The following TBC1D1 variants were observed in gnomAD, a reference collection of about 807,000 sequenced individuals.
TBC1D1 encodes the protein TBC1 (tre-2/USP6, BUB2, cdc16) domain family, member 1.
A neutral mutation model predicts 125.6 loss-of-function variants in TBC1D1; 89 were observed. The ratio of observed to expected loss-of-function variants is 0.71; its 90% CI spans 0.60 to 0.85. TBC1D1 has a LOEUF of 0.85. Ranked by LOEUF, TBC1D1 falls within the 40% of genes least tolerant of loss-of-function variation. The pLI is 0.00. For synonymous variants in TBC1D1, 565 were observed against 564.1 expected (o/e 1.00, Z -0.02); for missense variants, 1,377 against 1,469.2 (o/e 0.94, Z 1.03).
chr4:38,058,740 A>G (rs1302977618), intron 12 of TBC1D1, among the ~76,000 whole-genome samples: 1 of 152,210 alleles, frequency 6.6e-6, no homozygotes, highest in East Asian at 1.9e-4. Flanking sequence ...ATACTAGTAA[A>G]ACACACCAAC....
At chr4:37,993,513 C>T (rs1201862057) in intron 2 of TBC1D1, among the ~76,000 whole-genome samples, 5 of 152,134 alleles carry the variant, frequency 3.3e-5, no homozygotes, top group African/African-American at 1.2e-4. Context: ...AAGTTCAGTT[C>T]CAGCAAGTCA....
chr4:37,926,160 A>G (rs1457508104), intron 2 of TBC1D1, among the ~76,000 whole-genome samples: 1 of 152,248 alleles, frequency 6.6e-6, no homozygotes, highest in Admixed American at 6.5e-5. Flanking sequence ...GAAAGTATAC[A>G]GGAAGACCTT....
chr4:37,957,072 C>A (rs1729085655), intron 2 of TBC1D1, among the ~76,000 whole-genome samples: 1 of 152,142 alleles, frequency 6.6e-6, no homozygotes, highest in African/African-American at 2.4e-5. Context: ...GGCCTCCCTC[C>A]CCTTACAGGA....
rs1751296425 is a variant in TBC1D1, at chr4:38,054,408, A to G, written c.2050+70A>G. 7 of 1,597,810 alleles carry G rather than the reference A, an allele frequency of 4.4e-6. No homozygotes were observed. The Admixed American group carries it at 5.0e-5, about 11-fold the overall frequency. On this transcript the variant is annotated intron_variant, in intron 12 of 19. Transcript: ENST00000261439. ...CAGAGGACCCTGGGAGCCCCATCAT[A>G]TTGGTAAGAAAGCAGAGCGCCGTCC... is the stretch of plus-strand genomic sequence containing the variant.
chr4:37,913,456 A>C (rs971192171), intron 2 of TBC1D1, among the ~76,000 whole-genome samples: 6 of 151,952 alleles, frequency 3.9e-5, no homozygotes, highest in Admixed American at 2.0e-4. Context: ...AAAATTAGGC[A>C]GGTGTGGTGG....
Position 38,039,107 on chromosome 4 carries a change from T to G in TBC1D1, c.1413+3409T>G, listed in dbSNP as rs1285652102. On this transcript the variant is annotated intron_variant, in intron 8 of 19. Transcript: ENST00000261439. ...TTCTTATAAATGGCATCATACTCTT[T>G]TTTTTTTTTTTTTTTTTTTTTTTTT... Among the ~76,000 whole-genome samples the G allele has an allele frequency of 1.0e-4, 3 of 28,642 alleles. No homozygotes were observed. The African/African-American group carries it at 1.3e-3, about 12-fold the overall frequency. The allele number at this position is 28,642 out of a possible 152,430, so 18.8% of individuals were successfully genotyped here. A position where few individuals can be genotyped will look rare whatever the true frequency, so the allele number is the denominator to read the frequency against.
At chr4:37,892,636 CATTACGTTTTCA>C (rs1178262236) in intron 1 of TBC1D1, among the ~76,000 whole-genome samples, 1 of 152,154 alleles carries the variant, frequency 6.6e-6, no homozygotes, top group Non-Finnish European at 1.5e-5. Flanking sequence ...TAAATTATTA[CATTACGTTTTCA>C]AAGGAAAATT....
intron 11 of TBC1D1, among the ~76,000 whole-genome samples, chr4:38,053,951 T>G (rs942817666): frequency 7.2e-5 from 11 of 152,260 alleles, no homozygotes; most frequent in African/African-American, 2.4e-4. Context: ...AACATGTTTC[T>G]TAATCTCTGT....
chr4:37,908,703 C>G (rs530829751), intron 2 of TBC1D1, among the ~76,000 whole-genome samples: 3 of 152,176 alleles, frequency 2.0e-5, no homozygotes, highest in African/African-American at 7.2e-5. Context: ...CCTTTTCCAC[C>G]CTGCTAAAAG....
At chr4:38,045,976 A>G in intron 10 of TBC1D1, 73 bp downstream of exon 10, 2 of 1,302,626 alleles carry the variant, frequency 1.5e-6, no homozygotes, top group Non-Finnish European at 2.2e-6. Flanking sequence ...CTGTCTACAT[A>G]CCTCCAATCA....
At chr4:38,018,727 A>C (rs1258736222) in intron 4 of TBC1D1, among the ~76,000 whole-genome samples, 1 of 152,144 alleles carries the variant, frequency 6.6e-6, no homozygotes, top group African/African-American at 2.4e-5. Flanking sequence ...TGACTTCCAG[A>C]TGCACATGTG....
chr4:37,963,424 G>A (rs1467070878), intron 2 of TBC1D1, among the ~76,000 whole-genome samples: 1 of 152,096 alleles, frequency 6.6e-6, no homozygotes, highest in Non-Finnish European at 1.5e-5. Flanking sequence ...AGGTCCAGGT[G>A]GGCGGACCAC....
At position 38,040,486 on chromosome 4, in the gene TBC1D1, A is replaced by T. The variant is rs1748146279; in HGVS notation, c.1414-3876A>T. On this transcript the variant is annotated intron_variant, in intron 8 of 19. Coordinates refer to ENST00000261439, the MANE Select transcript of TBC1D1 (RefSeq NM_015173.4). The stretch of plus-strand genomic sequence containing the variant: ...GTATATTTAGTAGAGACGGGGTTTC[A>T]CTGTGTTGGATGGGATGTTCTCCGT... 2.0e-5 allele frequency among the ~76,000 whole-genome samples: 3 copies of T among 152,164 alleles called. No homozygotes were observed. The South Asian group carries it at 6.2e-4, about 32-fold the overall frequency.
intron 2 of TBC1D1, among the ~76,000 whole-genome samples, chr4:38,011,533 TG>T (rs34789287): frequency 1.3e-5 from 2 of 152,236 alleles, no homozygotes; most frequent in Non-Finnish European, 2.9e-5. Flanking sequence ...TGCAATTTGT[TG>T]TTGAAACTAT....
At chr4:38,001,200 A>C (rs1318916556) in intron 2 of TBC1D1, among the ~76,000 whole-genome samples, 1 of 150,408 alleles carries the variant, frequency 6.6e-6, no homozygotes, top group African/African-American at 2.5e-5. Context: ...AGCCTGAGCA[A>C]CAGAGTAAGA....
intron 13 of TBC1D1, among the ~76,000 whole-genome samples, chr4:38,090,691 T>C (rs1758280195): frequency 1.3e-5 from 2 of 152,242 alleles, no homozygotes; most frequent in Non-Finnish European, 2.9e-5. Flanking sequence ...AACCAATTAA[T>C]GTTATCTTCA....
intron 2 of TBC1D1, among the ~76,000 whole-genome samples, chr4:37,963,969 T>G (rs1730569748): frequency 6.6e-6 from 1 of 152,204 alleles, no homozygotes; most frequent in Non-Finnish European, 1.5e-5. Context: ...TCTCTGTAGC[T>G]TTCATAGCAC....
intron 2 of TBC1D1, among the ~76,000 whole-genome samples, chr4:37,906,318 T>C (rs1273699826): frequency 6.6e-6 from 1 of 152,076 alleles, no homozygotes; most frequent in Admixed American, 6.5e-5. Flanking sequence ...TGGCTAATTT[T>C]TGTATTTTTA....
At chr4:38,046,057 A>T (rs900936700) in intron 10 of TBC1D1, among the ~76,000 whole-genome samples, 154 bp downstream of exon 10, 1 of 152,150 alleles carries the variant, frequency 6.6e-6, no homozygotes, top group Non-Finnish European at 1.5e-5. Flanking sequence ...TCATAACATA[A>T]AAGTTTTACA....
Sources: allele counts gnomAD v4.1 joint callset (sites outside exome capture counted in the v4.1 genomes callset), GRCh38; gene constraint gnomAD v4.1.1; transcripts MANE v1.5; gene names NCBI Gene and HGNC (gene_info 2026-07-23, HGNC 2026-07-21).